The following ARIH2 variants were observed in gnomAD, a reference collection of about 807,000 sequenced individuals.
ARIH2 encodes the protein E3 ubiquitin-protein ligase ARIH2.
ARIH2 carries 12 observed loss-of-function variants against 79.8 expected under a neutral mutation model. The ratio of observed to expected loss-of-function variants is 0.15; its 90% CI spans 0.10 to 0.24. ARIH2 has a LOEUF of 0.24. ARIH2 is among the 10% of genes least tolerant of loss of function. ARIH2 has a pLI of 1.00. For synonymous variants in ARIH2, 224 were observed against 213.9 expected, an observed-to-expected ratio of 1.05 and a Z score of -0.41; for missense variants, 301 against 618.3, an observed-to-expected ratio of 0.49 and a Z score of 5.44.
intron 8 of ARIH2, among the ~76,000 whole-genome samples, chr3:48,972,920 G>C (rs984808117): frequency 6.6e-6 from 1 of 152,136 alleles, no homozygotes; most frequent in South Asian, 2.1e-4. Flanking sequence ...TCACCATATT[G>C]CCCAGGCTGG....
At chr3:48,920,444 GTTT>G in intron 1 of ARIH2, among the ~76,000 whole-genome samples, 1 of 92,120 alleles carries the variant, frequency 1.1e-5, no homozygotes, top group East Asian at 6.5e-4. Context: ...GGAGCCTGGA[GTTT>G]TCCCCACCTA....
chr3:48,939,835 C>T (rs533110185), intron 3 of ARIH2, among the ~76,000 whole-genome samples: 38 of 151,262 alleles, frequency 2.5e-4, no homozygotes, highest in African/African-American at 9.2e-4. Context: ...TAAAACTAAC[C>T]ATTTAAAGTA....
At chr3:48,972,923 C>T (rs1408350316) in intron 8 of ARIH2, among the ~76,000 whole-genome samples, 1 of 152,112 alleles carries the variant, frequency 6.6e-6, no homozygotes, top group Non-Finnish European at 1.5e-5. Context: ...CCATATTGCC[C>T]AGGCTGGTTT....
intron 2 of ARIH2, chr3:48,926,950 T>G (rs1322480223): frequency 1.3e-5 from 2 of 153,634 alleles, no homozygotes; most frequent in African/African-American, 4.8e-5. Flanking sequence ...ACTATGCACC[T>G]ATTTTTCAGA....
chr3:48,928,919 G>A (rs940533813), intron 3 of ARIH2, among the ~76,000 whole-genome samples: 1 of 152,042 alleles, frequency 6.6e-6, no homozygotes, highest in Non-Finnish European at 1.5e-5. Flanking sequence ...AGGACCTATG[G>A]ATCCTCTGGG....
At chr3:48,939,794 A>C (rs899174098) in intron 3 of ARIH2, among the ~76,000 whole-genome samples, 9 of 151,330 alleles carry the variant, frequency 5.9e-5, no homozygotes, top group African/African-American at 9.7e-5. Context: ...AAAAAAACAA[A>C]AAAAAAAACT....
chr3:48,956,954 C>G (rs953449445), intron 3 of ARIH2, among the ~76,000 whole-genome samples: 2 of 152,030 alleles, frequency 1.3e-5, no homozygotes, highest in African/African-American at 4.8e-5. Context: ...GTCAAGTGAT[C>G]TGCCCGCCTC....
chr3:48,984,092 G>T lies in ARIH2; in HGVS notation c.*822G>T, dbSNP rs1462093721. ...AACTAGGGGGTGTGGGTTCATCACA[G>T]TGTTGCCTTTTGTCTCCTAAAGATA... On this transcript the variant is annotated 3_prime_UTR_variant, in exon 16 of 16. Transcript: ENST00000356401. 1.3e-5 allele frequency: 2 copies of T among 152,476 alleles called. No individual in the cohort carries two copies. Among genetic ancestry groups the T allele is most frequent in the South Asian group, 2.1e-4 (1 of 4,836 alleles). 9.4% of individuals were successfully genotyped at this position (152,476 alleles called of 1,614,324 possible).
At position 48,984,407 on chromosome 3, in the gene ARIH2, C is replaced by A. The variant is rs148286047; in HGVS notation, c.*1137C>A. The A allele has an allele frequency of 6.5e-6, 1 of 152,742 alleles. No homozygotes were observed. The highest frequency in any genetic ancestry group is 2.4e-5 in the African/African-American group (1 of 41,552). The allele number at this position is 152,742 out of a possible 1,614,324, so 9.5% of individuals were successfully genotyped here. A position where few individuals can be genotyped will look rare whatever the true frequency, so the allele number is the denominator to read the frequency against. On this transcript the variant is annotated 3_prime_UTR_variant, in exon 16 of 16. Transcript: ENST00000356401. The stretch of plus-strand genomic sequence containing the variant: ...GAGGCTGAGGTGTGTTCCCCCTTGC[C>A]TGGTTCCAGCTGTCAGAGGGATACC...
At chr3:48,935,073 A>G (rs995047783) in intron 3 of ARIH2, 14 of 522,524 alleles carry the variant, frequency 2.7e-5, no homozygotes, top group Middle Eastern at 1.0e-3. Context: ...TCATTAACCT[A>G]AAATAAGTTT....
chr3:48,971,846 A>G (rs1204636266), intron 8 of ARIH2, among the ~76,000 whole-genome samples: 29 of 152,236 alleles, frequency 1.9e-4, no homozygotes, highest in Non-Finnish European at 2.9e-5. Context: ...CTTGTGTCCC[A>G]CTTTATGAAA....
chr3:48,933,627 G>A (rs895862166), intron 3 of ARIH2, among the ~76,000 whole-genome samples: 1 of 145,852 alleles, frequency 6.9e-6, no homozygotes, highest in Non-Finnish European at 1.5e-5. Context: ...TCGGTTCACT[G>A]CAAGCTCCGC....
At chr3:48,922,223 C>T (rs1300175381) in intron 1 of ARIH2, 1 of 150,134 alleles carries the variant, frequency 6.7e-6, no homozygotes, top group Non-Finnish European at 1.5e-5. Flanking sequence ...GGCCCTGTCT[C>T]AAACAAACAA....
At chr3:48,968,787 A>T (rs922357322) in intron 7 of ARIH2, 132 bp downstream of exon 7, 3 of 1,293,554 alleles carry the variant, frequency 2.3e-6, no homozygotes, top group Non-Finnish European at 3.1e-6. Context: ...CCATGGCTTT[A>T]AAAAAAGTTT....
chr3:48,955,731 G>A (rs1371531583), intron 3 of ARIH2, among the ~76,000 whole-genome samples: 3 of 152,136 alleles, frequency 2.0e-5, no homozygotes, highest in Non-Finnish European at 4.4e-5. Context: ...TTGTTTAGAA[G>A]ATTTGTTTTG....
intron 3 of ARIH2, among the ~76,000 whole-genome samples, chr3:48,956,711 T>C (rs2090628641): frequency 6.6e-6 from 1 of 151,128 alleles, no homozygotes; most frequent in Non-Finnish European, 1.5e-5. Flanking sequence ...TATTTTTTAT[T>C]TTTTTGAGAT....
Position 48,973,705 on chromosome 3 carries a change from G to A in ARIH2, c.777G>A (p.Lys259=). 1.2e-6 allele frequency: 2 copies of A among 1,611,306 alleles called. No homozygotes were observed. Among genetic ancestry groups the A allele is most frequent in the Non-Finnish European group, 1.7e-6 (2 of 1,178,292 alleles). The change falls in exon 9 of 16, where the codon AAG becomes AAA. Residue 259 remains lysine, a synonymous_variant. Transcript: ENST00000356401. ...CNRCNEVFCF[K]CRQMYHAPTD... ...TTTCTTTTCCAATTTTAAGTTTCAA[G>A]TGTCGTCAGATGTATCACGCACCCA...
intron 3 of ARIH2, among the ~76,000 whole-genome samples, chr3:48,960,997 T>C (rs913760422): frequency 1.3e-5 from 2 of 152,198 alleles, no homozygotes; most frequent in African/African-American, 4.8e-5. Flanking sequence ...TGAGGTTCTT[T>C]AGTAGCTATA....
chr3:48,960,322 T>C (rs958286024), intron 3 of ARIH2, among the ~76,000 whole-genome samples: 5 of 152,176 alleles, frequency 3.3e-5, no homozygotes, highest in African/African-American at 9.7e-5. Flanking sequence ...TGAAGTGGTA[T>C]GCACCTGTAG....
Sources: gnomAD v4.1 joint callset for allele counts (sites outside exome capture counted in the v4.1 genomes callset) on GRCh38, gnomAD v4.1.1 for gene constraint, MANE v1.5 for transcripts, NCBI Gene and HGNC (gene_info 2026-07-23, HGNC 2026-07-21) for gene names.